Variants in CATSPERT observed in about 807,000 individuals in gnomAD.
CATSPERT encodes the protein cation channel sperm-associated targeting subunit tau.
chr2:201,609,597 T>A, the CATSPERT span, among the ~76,000 whole-genome samples: 1 of 152,092 alleles, frequency 6.6e-6, no homozygotes, highest in Non-Finnish European at 1.5e-5. Context: ...GATCATTGGG[T>A]CAAGGAAGAA....
chr2:201,538,601 A>G, the CATSPERT span, among the ~76,000 whole-genome samples: 8 of 152,206 alleles, frequency 5.3e-5, no homozygotes, highest in South Asian at 1.7e-3. Flanking sequence ...GTGATCTTTG[A>G]TGTTACTATT....
At chr2:201,580,873 C>A in the CATSPERT span, among the ~76,000 whole-genome samples, 1 of 152,150 alleles carries the variant, frequency 6.6e-6, no homozygotes, top group African/African-American at 2.4e-5. Flanking sequence ...CTGCCCAAAT[C>A]TTTGGCTAAC....
At chr2:201,514,950 A>AT in the CATSPERT span, among the ~76,000 whole-genome samples, 4 of 151,766 alleles carry the variant, frequency 2.6e-5, no homozygotes, top group Admixed American at 6.6e-5. Flanking sequence ...ATGGCTGCCA[A>AT]TTTTTTTTGC....
the CATSPERT span, among the ~76,000 whole-genome samples, chr2:201,588,099 C>T: frequency 8.5e-5 from 13 of 152,154 alleles, no homozygotes; most frequent in Admixed American, 7.2e-4. Flanking sequence ...CCTACTGAAA[C>T]TATTCCCCAA....
At chr2:201,585,240 G>T in the CATSPERT span, among the ~76,000 whole-genome samples, 630 of 152,078 alleles carry the variant, frequency 4.1e-3, 3 homozygotes, top group Middle Eastern at 0.01. Flanking sequence ...GTCGAGGGGT[G>T]GGGGGATAAG....
chr2:201,501,188 C>T, the CATSPERT span, among the ~76,000 whole-genome samples: 1 of 151,784 alleles, frequency 6.6e-6, no homozygotes, highest in Non-Finnish European at 1.5e-5. Flanking sequence ...CACCTGAGAT[C>T]GGGAGTTCGA....
At chr2:201,584,857 G>C in the CATSPERT span, among the ~76,000 whole-genome samples, 13 of 152,000 alleles carry the variant, frequency 8.6e-5, no homozygotes, top group South Asian at 2.7e-3. Flanking sequence ...ATCAATCCAG[G>C]TTAAGCAGCC....
chr2:201,605,551 A>G, the CATSPERT span, among the ~76,000 whole-genome samples: 1 of 152,336 alleles, frequency 6.6e-6, no homozygotes, highest in South Asian at 2.1e-4. Context: ...TCCATTTAAA[A>G]AAAAACTGCT....
the CATSPERT span, among the ~76,000 whole-genome samples, chr2:201,515,937 G>T: frequency 6.6e-6 from 1 of 152,202 alleles, no homozygotes; most frequent in South Asian, 2.1e-4. Flanking sequence ...CTTAACAATA[G>T]ATGCTATAAC....
At chr2:201,603,094 C>G in the CATSPERT span, 1 of 712,966 alleles carries the variant, frequency 1.4e-6, no homozygotes, top group South Asian at 2.3e-5. Context: ...AGTGAATGAA[C>G]AGTAGTGATT....
At chr2:201,512,148 C>A in the CATSPERT span, among the ~76,000 whole-genome samples, 1 of 152,044 alleles carries the variant, frequency 6.6e-6, no homozygotes, top group South Asian at 2.1e-4. Context: ...GCTCTGACTA[C>A]CACTCCTAAG....
At chr2:201,593,093 T>G in the CATSPERT span, among the ~76,000 whole-genome samples, 1 of 152,122 alleles carries the variant, frequency 6.6e-6, no homozygotes, top group African/African-American at 2.4e-5. Context: ...ATTTTAGATC[T>G]TTCCTGCTTT....
At chr2:201,495,866 A>G in the CATSPERT span, 1 of 1,411,612 alleles carries the variant, frequency 7.1e-7, no homozygotes, top group Non-Finnish European at 9.8e-7. Context: ...AAGTATAATG[A>G]TACTGGGATA....
the CATSPERT span, among the ~76,000 whole-genome samples, chr2:201,576,121 C>T: frequency 1.2e-3 from 178 of 152,314 alleles, 1 homozygote; most frequent in African/African-American, 4.2e-3. Context: ...AAAGGAACTG[C>T]CATGCCCACA....
the CATSPERT span, chr2:201,536,438 CCATT>C: frequency 2.4e-6 from 3 of 1,233,362 alleles, no homozygotes; most frequent in African/African-American, 1.5e-5. Flanking sequence ...TAACAAATTA[CCATT>C]ATTATTTGTA....
At chr2:201,542,152 T>C in the CATSPERT span, among the ~76,000 whole-genome samples, 2 of 132,346 alleles carry the variant, frequency 1.5e-5, no homozygotes, top group Non-Finnish European at 3.3e-5. Context: ...GTAAATGTAA[T>C]GTTTATATGC....
At chr2:201,505,453 C>T in the CATSPERT span, among the ~76,000 whole-genome samples, 8 of 152,192 alleles carry the variant, frequency 5.3e-5, no homozygotes, top group African/African-American at 1.9e-4. Context: ...GTGCTATCAT[C>T]AATCTCTGAT....
the CATSPERT span, among the ~76,000 whole-genome samples, chr2:201,580,274 T>C: frequency 6.6e-6 from 1 of 152,226 alleles, no homozygotes; most frequent in African/African-American, 2.4e-5. Flanking sequence ...TTGGTTAAAG[T>C]GGCAACTACC....
chr2:201,535,886 T>G, the CATSPERT span: 11 of 1,517,170 alleles, frequency 7.3e-6, no homozygotes, highest in African/African-American at 1.1e-4. Flanking sequence ...ACCTTTTAAT[T>G]TTTAATCTGG....
Sources: allele counts gnomAD v4.1 joint callset (sites outside exome capture counted in the v4.1 genomes callset), GRCh38; gene constraint gnomAD v4.1.1; transcripts MANE v1.5; gene names NCBI Gene and HGNC (gene_info 2026-07-23, HGNC 2026-07-21).